Variants in FYCO1 observed in about 807,000 individuals in gnomAD.
The protein encoded by FYCO1 is FYVE and coiled-coil domain-containing protein 1.
Under a neutral mutation model 165.1 loss-of-function variants are expected in FYCO1, and 122 were observed. The observed-to-expected ratio is 0.74, with a 90% CI of 0.64 to 0.86. FYCO1 has a LOEUF of 0.86. Ranked by LOEUF, FYCO1 falls within the 40% of genes least tolerant of loss-of-function variation. The pLI is 0.00. For synonymous variants in FYCO1, 648 were observed against 742.5 expected (o/e 0.87, Z 2.07); for missense variants, 1,702 against 1,810.3 (o/e 0.94, Z 1.09).
intron 14 of FYCO1, among the ~76,000 whole-genome samples, chr3:45,936,784 G>A (rs1401296131): frequency 6.6e-6 from 1 of 152,156 alleles, no homozygotes; most frequent in Non-Finnish European, 1.5e-5. Flanking sequence ...CCCTGGAGCA[G>A]CTGTAGGGAA....
intron 14 of FYCO1, among the ~76,000 whole-genome samples, chr3:45,954,402 G>A (rs1209359349): frequency 1.3e-5 from 2 of 152,044 alleles, no homozygotes; most frequent in Non-Finnish European, 2.9e-5. Flanking sequence ...ATAGTCCAGT[G>A]GTCCCTAGGG....
intron 14 of FYCO1, among the ~76,000 whole-genome samples, chr3:45,940,000 A>G (rs925800281): frequency 1.3e-5 from 2 of 152,366 alleles, no homozygotes; most frequent in South Asian, 2.1e-4. Flanking sequence ...TCCACTGACC[A>G]GTGCAGGTTT....
chr3:45,978,578 G>C (rs538615216), intron 4 of FYCO1, among the ~76,000 whole-genome samples: 2 of 152,334 alleles, frequency 1.3e-5, no homozygotes, highest in African/African-American at 4.8e-5. Flanking sequence ...GCCCTTCCCA[G>C]AATACCTTAG....
intron 14 of FYCO1, among the ~76,000 whole-genome samples, chr3:45,949,189 G>A (rs572450656): frequency 7.9e-5 from 12 of 152,244 alleles, no homozygotes; most frequent in Middle Eastern, 3.4e-3. Context: ...GCCTAAATGC[G>A]TCTACAAGCA....
chr3:45,980,696 G>A (rs982568095), intron 3 of FYCO1, among the ~76,000 whole-genome samples: 3 of 152,180 alleles, frequency 2.0e-5, no homozygotes, highest in African/African-American at 7.2e-5. Flanking sequence ...GGGATGTGAC[G>A]TTGCAAAATA....
At chr3:45,985,809 A>G (rs1707287126) in intron 1 of FYCO1, among the ~76,000 whole-genome samples, 1 of 152,266 alleles carries the variant, frequency 6.6e-6, no homozygotes, top group Non-Finnish European at 1.5e-5. Flanking sequence ...GAAGGCCAAC[A>G]GAAGTTAAAG....
At chr3:45,976,981 A>T (rs1005498873) in intron 4 of FYCO1, among the ~76,000 whole-genome samples, 1 of 152,204 alleles carries the variant, frequency 6.6e-6, no homozygotes, top group Non-Finnish European at 1.5e-5. Context: ...CCACCATGAC[A>T]TGTCTGCAGA....
intron 14 of FYCO1, among the ~76,000 whole-genome samples, chr3:45,940,627 T>C (rs7634640): frequency 0.84 from 127,784 of 152,170 alleles, 54,335 homozygotes; most frequent in East Asian, 1. Flanking sequence ...AAGGGCCGGA[T>C]GGGGCACTTG....
At chr3:45,953,863 T>G (rs1705165769) in intron 14 of FYCO1, among the ~76,000 whole-genome samples, 1 of 152,232 alleles carries the variant, frequency 6.6e-6, no homozygotes, top group Non-Finnish European at 1.5e-5. Flanking sequence ...TGGGTTTATC[T>G]GCAGCTAAAG....
chr3:45,978,622 A>T (rs139232349), intron 4 of FYCO1, among the ~76,000 whole-genome samples: 1 of 152,322 alleles, frequency 6.6e-6, no homozygotes, highest in East Asian at 1.9e-4. Context: ...GCCAAGCAGC[A>T]GGTGTGTTGA....
At chr3:45,985,870 G>A (rs996383678) in intron 1 of FYCO1, among the ~76,000 whole-genome samples, 7 of 152,218 alleles carry the variant, frequency 4.6e-5, no homozygotes, top group Admixed American at 2.6e-4. Context: ...GAGATCCTAC[G>A]TCCTTTCAGA....
intron 1 of FYCO1, among the ~76,000 whole-genome samples, chr3:45,990,917 C>T (rs939108149): frequency 1.3e-5 from 2 of 152,036 alleles, no homozygotes; most frequent in African/African-American, 4.8e-5. Context: ...GGGCTACAGG[C>T]GCACGCCACC....
chr3:45,979,680 G>A (rs1212717228), intron 4 of FYCO1, 25 bp downstream of exon 4: 1 of 1,613,096 alleles, frequency 6.2e-7, no homozygotes, highest in African/African-American at 1.3e-5. Flanking sequence ...ACGACATGAA[G>A]TTGTTGGCTG....
At chr3:45,923,910 C>T (rs1381742794) in intron 16 of FYCO1, 145 bp from the exon 17 acceptor site, 2 of 696,556 alleles carry the variant, frequency 2.9e-6, no homozygotes, top group Non-Finnish European at 5.3e-6. Context: ...GTGACCAGCC[C>T]CAGTAGTGGC....
rs1356341365 is a variant in FYCO1 at position 45,967,149 on chromosome 3, C to T, written c.2185G>A (p.Glu729Lys). 6.2e-7 allele frequency: 1 copy of T among 1,613,536 alleles called. No individual in the cohort carries two copies. The change falls in exon 8 of 18, where the codon GAG becomes AAG. Residue 729 changes from glutamate (E) to lysine (K), a missense_variant. By Grantham distance (56) the Glu-to-Lys change is moderately conservative. Transcript: ENST00000296137. ...CQQLAEARHR[E>K]LRALESQCQQ... ...CACTGGCTCTCGAGAGCCCTAAGCT[C>T]TCTGTGCCGGGCTTCTGCCAGTTGC...
chr3:45,980,741 T>C (rs1327034513), intron 3 of FYCO1, among the ~76,000 whole-genome samples: 1 of 152,218 alleles, frequency 6.6e-6, no homozygotes, highest in Non-Finnish European at 1.5e-5. Context: ...TATCTTTCTA[T>C]AACATTTTAT....
chr3:45,933,916 A>G (rs1703757854), intron 15 of FYCO1, among the ~76,000 whole-genome samples: 1 of 152,164 alleles, frequency 6.6e-6, no homozygotes, highest in Non-Finnish European at 1.5e-5. Context: ...ACAGTGGAAA[A>G]CTCATACCAA....
Position 45,966,536 on chromosome 3 carries a change from A to G in FYCO1, c.2798T>C (p.Leu933Pro). ...TGAGGCTGCCTCTTTGGCGTCCTGG[A>G]GCTCCTGGACAGCACAGGCCAGTGC... is the stretch of plus-strand genomic sequence containing the variant. Reference protein sequence around the residue: ...EEALACAVQELQDAKEAASRE... With the variant: ...EEALACAVQEPQDAKEAASRE... Residue 933 changes from leucine (L) to proline (P), a missense_variant, in exon 8 of 18, where the codon CTC becomes CCC. Transcript: ENST00000296137. The G allele has an allele frequency of 6.2e-7, 1 of 1,613,690 alleles. No individual in the cohort carries two copies. Among genetic ancestry groups the G allele is most frequent in the South Asian group, 1.1e-5 (1 of 91,070 alleles).
At chr3:45,988,336 T>A (rs1002608347) in intron 1 of FYCO1, among the ~76,000 whole-genome samples, 4 of 152,174 alleles carry the variant, frequency 2.6e-5, no homozygotes, top group Non-Finnish European at 1.5e-5. Flanking sequence ...ATGGGCAAGA[T>A]CACTCTCCAA....
Sources: allele counts gnomAD v4.1 joint callset (sites outside exome capture counted in the v4.1 genomes callset), GRCh38; gene constraint gnomAD v4.1.1; transcripts MANE v1.5; gene names NCBI Gene and HGNC (gene_info 2026-07-23, HGNC 2026-07-21).